The following EAF2 variants were observed in gnomAD, a reference collection of about 807,000 sequenced individuals.
The protein encoded by EAF2 is ELL associated factor 2.
In EAF2, 29 loss-of-function variants were observed where a neutral mutation model predicts 29.4. The observed-to-expected ratio is 0.99, with a 90% CI of 0.73 to 1.35. EAF2 has a LOEUF of 1.35. EAF2 is among the 40% of genes most tolerant of loss of function. The pLI, the probability that EAF2 is intolerant of heterozygous loss-of-function variation, is 0.00. For missense variants in EAF2, 292 were observed against 312.0 expected, an observed-to-expected ratio of 0.94 and a Z score of 0.48; for synonymous variants, 103 against 102.5, an observed-to-expected ratio of 1.00 and a Z score of -0.03.
chr3:121,872,567 A>G lies in EAF2; in HGVS notation c.515A>G (p.Gln172Arg). The G allele has an allele frequency of 6.2e-7, 1 of 1,610,382 alleles. No homozygotes were observed. The highest frequency in any genetic ancestry group is 1.1e-5 in the South Asian group (1 of 90,590). Residue 172 changes from glutamine (Q) to arginine (R), a missense_variant, in exon 5 of 6, where the codon CAG (glutamine) becomes CGG (arginine). Coordinates refer to ENST00000273668, the MANE Select transcript of EAF2 (RefSeq NM_018456.6). ...ELKAEASLMD[Q>R]MSSCDSSSDS... ...AAGGCAGAAGCTAGTCTAATGGACC[A>G]GATGAGTAGTTGTGATAGTTCATCA...
At chr3:121,864,180 G>T (rs1441561804) in intron 4 of EAF2, among the ~76,000 whole-genome samples, 1 of 152,128 alleles carries the variant, frequency 6.6e-6, no homozygotes, top group Admixed American at 6.5e-5. Flanking sequence ...TATCAATGTT[G>T]TAGTAATTGT....
chr3:121,840,496 A>G (rs1207371122), intron 1 of EAF2, among the ~76,000 whole-genome samples: 2 of 73,586 alleles, frequency 2.7e-5, no homozygotes, highest in Non-Finnish European at 6.2e-5. Context: ...TCTAAAAAAA[A>G]AAAAAAAAAA....
At chr3:121,847,472 G>A (rs1252490997) in intron 2 of EAF2, among the ~76,000 whole-genome samples, 1 of 152,170 alleles carries the variant, frequency 6.6e-6, no homozygotes, top group African/African-American at 2.4e-5. Context: ...ATGCCTAGTG[G>A]CATATATGTA....
rs769626878 is a variant in EAF2 at position 121,835,263 on chromosome 3, A to C, written c.-23A>C. The C allele has an allele frequency of 6.2e-7, 1 of 1,610,512 alleles. No homozygotes were observed. The highest frequency in any genetic ancestry group is 1.7e-5 in the Admixed American group (1 of 60,016). On this transcript the variant is annotated 5_prime_UTR_variant, in exon 1 of 6. Coordinates refer to ENST00000273668, the MANE Select transcript of EAF2 (RefSeq NM_018456.6). ...GATAGTGAGCGCTGGTGGCGGAGTT[A>C]AAGTCAAAGCAGGAGAGTAATTATG...
chr3:121,881,117 T>G (rs1454812503), intron 5 of EAF2, among the ~76,000 whole-genome samples: 1 of 152,176 alleles, frequency 6.6e-6, no homozygotes, highest in Admixed American at 6.6e-5. Context: ...TGCTGTTGGA[T>G]TTGGTTTGCT....
At chr3:121,861,162 G>C (rs1409631674) in intron 4 of EAF2, among the ~76,000 whole-genome samples, 1 of 152,198 alleles carries the variant, frequency 6.6e-6, no homozygotes, top group African/African-American at 2.4e-5. Context: ...TTGGGGTGGA[G>C]AGTTCTGTAG....
At chr3:121,878,145 G>GA (rs1709132708) in intron 5 of EAF2, among the ~76,000 whole-genome samples, 1 of 152,082 alleles carries the variant, frequency 6.6e-6, no homozygotes, top group African/African-American at 2.4e-5. Context: ...TTGTTTCTTT[G>GA]AAAACTAACA....
intron 2 of EAF2, among the ~76,000 whole-genome samples, chr3:121,847,544 G>A (rs921983808): frequency 3.9e-5 from 6 of 151,950 alleles, no homozygotes; most frequent in Admixed American, 1.3e-4. Flanking sequence ...GACAAGGAGG[G>A]TAATATTTAG....
intron 4 of EAF2, among the ~76,000 whole-genome samples, chr3:121,869,274 TATTA>T (rs900377184): frequency 2.0e-5 from 3 of 152,154 alleles, no homozygotes; most frequent in Non-Finnish European, 4.4e-5. Context: ...AAAGTTATCA[TATTA>T]ATTAATTTAA....
intron 5 of EAF2, among the ~76,000 whole-genome samples, chr3:121,873,457 CACT>C (rs1469836585): frequency 2.0e-5 from 3 of 151,756 alleles, no homozygotes; most frequent in African/African-American, 7.2e-5. Context: ...GCATCTCCAC[CACT>C]ATCACAGTAG....
rs1229551512 is a variant in EAF2 at position 121,846,040 on chromosome 3, A to AT, written c.201+1499dup. Among the ~76,000 whole-genome samples the AT allele has an allele frequency of 3.0e-4, 46 of 152,180 alleles. 1 individual carries two copies. In the East Asian group the frequency reaches 8.5e-3, roughly 28 times the overall value. On this transcript the variant is annotated intron_variant, in intron 2 of 5. Transcript: ENST00000273668. ...CTTTAATACATAAAGAAAATGCTGG[A>AT]TTTTTTGAGATTTTTTCTTTGTTTT...
At chr3:121,878,395 T>TG (rs1202841740) in intron 5 of EAF2, among the ~76,000 whole-genome samples, 1 of 152,162 alleles carries the variant, frequency 6.6e-6, no homozygotes, top group African/African-American at 2.4e-5. Flanking sequence ...TTGTCCTTTT[T>TG]GGGGGGTTAA....
At chr3:121,850,511 A>G (rs998464500) in intron 2 of EAF2, among the ~76,000 whole-genome samples, 9 of 152,088 alleles carry the variant, frequency 5.9e-5, no homozygotes, top group African/African-American at 2.2e-4. Context: ...TGAGATTTTT[A>G]GAATACATTT....
intron 3 of EAF2, among the ~76,000 whole-genome samples, chr3:121,855,359 C>T (rs1708701505): frequency 6.6e-6 from 1 of 151,998 alleles, no homozygotes. Flanking sequence ...AAAAGCCATG[C>T]AAATAGTATA....
At chr3:121,843,138 T>A (rs1708463987) in intron 1 of EAF2, among the ~76,000 whole-genome samples, 1 of 152,190 alleles carries the variant, frequency 6.6e-6, no homozygotes, top group South Asian at 2.1e-4. Context: ...AATAGAGGAA[T>A]GGATTTCATT....
chr3:121,875,255 A>C (rs1247347857), intron 5 of EAF2, among the ~76,000 whole-genome samples: 1 of 151,868 alleles, frequency 6.6e-6, no homozygotes, highest in Non-Finnish European at 1.5e-5. Flanking sequence ...TGGAAGAAAT[A>C]GCCAATTAAT....
At chr3:121,840,459 CCAGCCTG>C (rs1708392026) in intron 1 of EAF2, among the ~76,000 whole-genome samples, 1 of 137,428 alleles carries the variant, frequency 7.3e-6, no homozygotes, top group Non-Finnish European at 1.5e-5. Context: ...CCACTGCACC[CCAGCCTG>C]GTGACAGAGG....
intron 1 of EAF2, among the ~76,000 whole-genome samples, chr3:121,843,811 T>A (rs989652690): frequency 6.6e-6 from 1 of 152,166 alleles, no homozygotes; most frequent in Admixed American, 6.5e-5. Flanking sequence ...ACAGATTTGG[T>A]TAAATTATAC....
chr3:121,867,336 C>G (rs1182917181), intron 4 of EAF2, among the ~76,000 whole-genome samples: 1 of 151,948 alleles, frequency 6.6e-6, no homozygotes, highest in East Asian at 1.9e-4. Context: ...GAAATTGATG[C>G]CAAGGTACAT....
Sources: gnomAD v4.1 joint callset for allele counts (sites outside exome capture counted in the v4.1 genomes callset) on GRCh38, gnomAD v4.1.1 for gene constraint, MANE v1.5 for transcripts, NCBI Gene and HGNC (gene_info 2026-07-23, HGNC 2026-07-21) for gene names.